RBFOX3: variants seen among roughly 807,000 people sequenced by gnomAD.
RBFOX3 encodes the protein RNA binding protein fox-1 homolog 3.
A neutral mutation model predicts 48.7 loss-of-function variants in RBFOX3; 17 were observed. The ratio of observed to expected loss-of-function variants is 0.35; its 90% confidence interval spans 0.24 to 0.52. The LOEUF is 0.52. Among genes scored for constraint, RBFOX3 ranks in the 20% least tolerant of loss-of-function variants. The pLI is 0.94. For missense variants in RBFOX3, 382 were observed against 497.5 expected (o/e 0.77, Z 2.21); for synonymous variants, 212 against 209.5 (o/e 1.01, Z -0.10).
intron 3 of RBFOX3, among the ~76,000 whole-genome samples, chr17:79,245,523 C>G (rs1216338406): frequency 6.7e-6 from 1 of 148,550 alleles, no homozygotes; most frequent in Non-Finnish European, 1.5e-5. Flanking sequence ...CACTGTTCAC[C>G]CATTCCCACC....
intron 1 of RBFOX3, among the ~76,000 whole-genome samples, chr17:79,520,525 A>ACGTT: frequency 6.6e-6 from 1 of 152,242 alleles, no homozygotes; most frequent in East Asian, 1.9e-4. Flanking sequence ...CCAGACACAC[A>ACGTT]CGTTCCCACA....
Position 79,408,667 on chromosome 17 carries a change from C to T in RBFOX3, c.-175+73787G>A, listed in dbSNP as rs118145139. 4.3e-3 allele frequency among the ~76,000 whole-genome samples: 656 copies of T among 152,262 alleles called. 9 individuals are homozygous for T. The highest frequency in any genetic ancestry group is 3.8e-3 in the Non-Finnish European group (259 of 68,030). Reference sequence around the variant, plus strand: ...AGCAGAGTCTTAAAATGCATTTAGCCGATGAGGCCCACATTGTTTGGCTGA... The same window carrying T: ...AGCAGAGTCTTAAAATGCATTTAGCTGATGAGGCCCACATTGTTTGGCTGA... On this transcript the variant is annotated intron_variant, in intron 2 of 14. Transcript: ENST00000693108.
At chr17:79,599,162 T>C (rs2093642465) in intron 1 of RBFOX3, 1 of 152,234 alleles carries the variant, frequency 6.6e-6, no homozygotes, top group Non-Finnish European at 1.5e-5. Flanking sequence ...CACGCACGCA[T>C]CTCCTAAGTG....
intron 1 of RBFOX3, among the ~76,000 whole-genome samples, chr17:79,519,066 G>T (rs2085676184): frequency 1.3e-5 from 2 of 152,174 alleles, no homozygotes; most frequent in African/African-American, 4.8e-5. Context: ...TCCCCCTAAG[G>T]CCTGGGGACA....
Position 79,094,570 on chromosome 17 carries a change from G to T in RBFOX3, c.999-41C>A, listed in dbSNP as rs1599381000. 3.5e-5 allele frequency: 21 copies of T among 599,738 alleles called. No homozygotes were observed. In the East Asian group the frequency reaches 7.2e-4, roughly 20 times the overall value. 37.2% of individuals were successfully genotyped at this position (599,738 alleles called of 1,614,324 possible). A position where few individuals can be genotyped will look rare whatever the true frequency, so the allele number is the denominator to read the frequency against. On this transcript the variant is annotated intron_variant, in intron 13 of 14. Coordinates refer to ENST00000693108, the MANE Select transcript of RBFOX3 (RefSeq NM_001350451.2). ...GGAGGGGGAGTGGGAGGAGGGTGGG[G>T]GAGGGGGGCAGGTGAGGGGCAGCAA... is the stretch of plus-strand genomic sequence containing the variant.
intron 4 of RBFOX3, among the ~76,000 whole-genome samples, chr17:79,125,830 A>G (rs573947820): frequency 1.2e-4 from 19 of 152,260 alleles, no homozygotes; most frequent in Non-Finnish European, 2.4e-4. Context: ...GGCAAAGCCC[A>G]TTCCAGGCAG....
intron 2 of RBFOX3, among the ~76,000 whole-genome samples, chr17:79,383,042 A>ACACACACACAC (rs1275040513): frequency 8.0e-5 from 8 of 99,672 alleles, no homozygotes; most frequent in African/African-American, 2.1e-4. Context: ...ACACACACAC[A>ACACACACACAC]CACACACACA....
At chr17:79,356,374 T>TTTGTTTTTG (rs1297389073) in intron 2 of RBFOX3, among the ~76,000 whole-genome samples, 13 of 105,878 alleles carry the variant, frequency 1.2e-4, no homozygotes, top group East Asian at 6.6e-4. Flanking sequence ...TTTTTTTTTT[T>TTTGTTTTTG]TTTTTTTTTT....
intron 2 of RBFOX3, among the ~76,000 whole-genome samples, chr17:79,436,152 G>A (rs532377554): frequency 2.0e-5 from 3 of 152,314 alleles, no homozygotes; most frequent in East Asian, 3.9e-4. Flanking sequence ...AAACACCCCC[G>A]GGTAGGCAGC....
chr17:79,190,800 C>T (rs1053741698), intron 4 of RBFOX3, among the ~76,000 whole-genome samples: 2 of 152,152 alleles, frequency 1.3e-5, no homozygotes, highest in African/African-American at 4.8e-5. Context: ...GGACTGGGGC[C>T]ACTGACCAAA....
chr17:79,154,594 C>T (rs186185925), intron 4 of RBFOX3, among the ~76,000 whole-genome samples: 31 of 152,340 alleles, frequency 2.0e-4, no homozygotes, highest in Admixed American at 2.0e-3. Flanking sequence ...AGGACGCTGG[C>T]TGGCTGCCCA....
At chr17:79,261,668 G>A (rs957234220) in intron 3 of RBFOX3, among the ~76,000 whole-genome samples, 2 of 152,338 alleles carry the variant, frequency 1.3e-5, no homozygotes, top group African/African-American at 2.4e-5. Flanking sequence ...AGGGGCCACC[G>A]TCTGAGCAGC....
chr17:79,150,589 C>T (rs748966946), intron 4 of RBFOX3, among the ~76,000 whole-genome samples: 1 of 152,116 alleles, frequency 6.6e-6, no homozygotes, highest in Non-Finnish European at 1.5e-5. Context: ...ATGGGAGGTG[C>T]AGGGCCACCA....
chr17:79,399,622 C>CA (rs140363019), intron 2 of RBFOX3, among the ~76,000 whole-genome samples: 21,019 of 151,330 alleles, frequency 0.14, 1,518 homozygotes, highest in Middle Eastern at 0.19. Context: ...AAGGAGAAAG[C>CA]AAAAAAAATC....
At chr17:79,395,894 C>T (rs1368046885) in intron 2 of RBFOX3, among the ~76,000 whole-genome samples, 2 of 152,200 alleles carry the variant, frequency 1.3e-5, no homozygotes, top group African/African-American at 4.8e-5. Context: ...CACCTGCCAG[C>T]GGGGCTGCAG....
rs141091472 is a variant in RBFOX3 at position 79,321,854 on chromosome 17, C to T, written c.-174-14030G>A. ...CCAAGTAGCTGGGACTACAGGTGCA[C>T]GCCACTGAATCCGGCTAATTTTTGT... On this transcript the variant is annotated intron_variant, in intron 2 of 14. Transcript: ENST00000693108. Among the ~76,000 whole-genome samples the T allele has an allele frequency of 4.1e-4, 63 of 152,176 alleles. 1 individual carries two copies. The East Asian group carries it at 0.011, about 26-fold the overall frequency.
intron 3 of RBFOX3, among the ~76,000 whole-genome samples, chr17:79,284,185 G>T (rs117245129): frequency 9.9e-5 from 15 of 151,504 alleles, no homozygotes; most frequent in African/African-American, 3.1e-4. Flanking sequence ...CCTTCTACAG[G>T]ACAGTTGATT....
intron 1 of RBFOX3, among the ~76,000 whole-genome samples, chr17:79,562,820 T>C (rs1032402983): frequency 6.6e-6 from 1 of 152,104 alleles, no homozygotes; most frequent in Non-Finnish European, 1.5e-5. Context: ...CCTAATGACA[T>C]GATGATCAAT....
chr17:79,207,436 T>G (rs2057661161), intron 4 of RBFOX3, among the ~76,000 whole-genome samples: 3 of 152,230 alleles, frequency 2.0e-5, no homozygotes. Flanking sequence ...CAGAGGTGCC[T>G]GGATGCTGCT....
Sources: gnomAD v4.1 joint callset for allele counts (sites outside exome capture counted in the v4.1 genomes callset) on GRCh38, gnomAD v4.1.1 for gene constraint, MANE v1.5 for transcripts, NCBI Gene and HGNC (gene_info 2026-07-23, HGNC 2026-07-21) for gene names.